ATXN1: variants seen among roughly 807,000 people sequenced by gnomAD.
ATXN1 encodes ataxin 1, also known as ataxin-1.
ATXN1 carries 8 observed loss-of-function variants against 56.4 expected under a neutral mutation model. The observed-to-expected ratio is 0.14, with a 90% CI of 0.08 to 0.26. ATXN1 has a LOEUF of 0.26. ATXN1 is among the 10% of genes least tolerant of loss of function. ATXN1 has a pLI of 1.00. For missense variants in ATXN1, 987 were observed against 1,106.5 expected, an observed-to-expected ratio of 0.89 and a Z score of 1.53; for synonymous variants, 514 against 494.6, an observed-to-expected ratio of 1.04 and a Z score of -0.52.
intron 2 of ATXN1, among the ~76,000 whole-genome samples, chr6:16,725,940 T>C (rs1022387371): frequency 2.6e-5 from 4 of 152,220 alleles, no homozygotes; most frequent in African/African-American, 9.7e-5. Flanking sequence ...GCAGCTGATA[T>C]TTCTCTGCCC....
chr6:16,730,483 G>GTATATA lies in ATXN1; in HGVS notation c.-615+22749_-615+22750insTATATA, dbSNP rs1283942311. Reference sequence around the variant, plus strand: ...CTTTCTGGAGTTAAAGGGTAAAACAGTATGTATATATATATATATATATAA... The same window carrying GTATATA: ...CTTTCTGGAGTTAAAGGGTAAAACAGTATATATATGTATATATATATATATATATAA... On this transcript the variant is annotated intron_variant, in intron 2 of 7. Coordinates refer to ENST00000436367, the MANE Select transcript of ATXN1 (RefSeq NM_001128164.2). Among the ~76,000 whole-genome samples, 197 of 74,528 alleles carry GTATATA rather than the reference G, an allele frequency of 2.6e-3. 1 individual carries two copies. The highest frequency in any genetic ancestry group is 0.011 in the East Asian group (30 of 2,630). 48.9% of individuals were successfully genotyped at this position (74,528 alleles called of 152,430 possible).
intron 6 of ATXN1, among the ~76,000 whole-genome samples, chr6:16,471,770 T>G (rs1336654220): frequency 6.6e-6 from 1 of 151,766 alleles, no homozygotes; most frequent in African/African-American, 2.4e-5. Context: ...TAAGAGAAGG[T>G]TGGAAGAGCA....
chr6:16,429,153 A>G lies in ATXN1; in HGVS notation c.-161+56819T>C, dbSNP rs1458432167. Among the ~76,000 whole-genome samples, 6 of 151,966 alleles carry G rather than the reference A, an allele frequency of 3.9e-5. No individual in the cohort carries two copies. The East Asian group carries it at 1.2e-3, about 29-fold the overall frequency. On this transcript the variant is annotated intron_variant, in intron 6 of 7. Coordinates refer to ENST00000436367, the MANE Select transcript of ATXN1 (RefSeq NM_001128164.2). ...AGGCAGAGAGGACACTGAAGAGAGG[A>G]GACATGAGGGCTGTGCGGTGGCCCT...
intron 6 of ATXN1, among the ~76,000 whole-genome samples, chr6:16,430,336 A>G (rs1179747114): frequency 6.2e-5 from 1 of 16,078 alleles, no homozygotes; most frequent in African/African-American, 6.5e-4. Context: ...GAAGGATAGG[A>G]AAAAAAAAAA....
chr6:16,527,313 G>C (rs1036438938), intron 4 of ATXN1, among the ~76,000 whole-genome samples: 1 of 152,044 alleles, frequency 6.6e-6, no homozygotes, highest in Non-Finnish European at 1.5e-5. Flanking sequence ...TGGAAATCGT[G>C]TCTCCAGCCA....
intron 6 of ATXN1, among the ~76,000 whole-genome samples, chr6:16,458,807 T>A (rs1247320986): frequency 2.0e-5 from 3 of 152,236 alleles, no homozygotes; most frequent in Admixed American, 6.5e-5. Context: ...GACGGGGTAC[T>A]GCCCCAGAGG....
chr6:16,354,237 C>G (rs1412514483), intron 6 of ATXN1, among the ~76,000 whole-genome samples: 1 of 151,916 alleles, frequency 6.6e-6, no homozygotes, highest in Non-Finnish European at 1.5e-5. Flanking sequence ...TAAAGCCAGA[C>G]CCCCTTCCTT....
At chr6:16,447,626 G>A (rs1333801839) in intron 6 of ATXN1, among the ~76,000 whole-genome samples, 1 of 152,094 alleles carries the variant, frequency 6.6e-6, no homozygotes, top group Non-Finnish European at 1.5e-5. Flanking sequence ...CAAAGTGCTG[G>A]GATTACAGGT....
rs144432516 is a variant in ATXN1 at position 16,500,515 on chromosome 6, C to T, written c.-298-14406G>A. On this transcript the variant is annotated intron_variant, in intron 5 of 7. Transcript: ENST00000436367. ...AGAGAATAGCAGGCACTACCTCTGT[C>T]GGTTACTATTTACCTTTCTTTCTCT... Among the ~76,000 whole-genome samples, 18 of 152,184 alleles carry T rather than the reference C, an allele frequency of 1.2e-4. No homozygotes were observed. The East Asian group carries it at 2.1e-3, about 18-fold the overall frequency.
intron 2 of ATXN1, among the ~76,000 whole-genome samples, chr6:16,689,976 T>C (rs1759011957): frequency 6.6e-6 from 1 of 152,128 alleles, no homozygotes; most frequent in Non-Finnish European, 1.5e-5. Flanking sequence ...CATTTGGAGT[T>C]TTTATCCATT....
At chr6:16,581,307 T>C (rs2113760653) in intron 4 of ATXN1, among the ~76,000 whole-genome samples, 2 of 151,544 alleles carry the variant, frequency 1.3e-5, no homozygotes, top group South Asian at 4.2e-4. Flanking sequence ...CAACTGGACA[T>C]GTTAAAGAAA....
At chr6:16,446,406 A>G (rs895579220) in intron 6 of ATXN1, among the ~76,000 whole-genome samples, 16 of 152,228 alleles carry the variant, frequency 1.1e-4, no homozygotes, top group Non-Finnish European at 1.8e-4. Flanking sequence ...GTGTTTCTCA[A>G]ATGTGGTTTC....
chr6:16,327,088 G>T lies in ATXN1; in HGVS notation c.1223C>A (p.Ser408Tyr). ...QQATHREASP[S>Y]TLNDKSGLHL... ...CAGGCCACTTTTGTCGTTGAGGGTAGAAGGGGAGGCTTCACGATGAGTGGC... is the reference window on the plus strand; with the variant it reads ...CAGGCCACTTTTGTCGTTGAGGGTATAAGGGGAGGCTTCACGATGAGTGGC... Residue 408 changes from serine to tyrosine, a missense_variant, in exon 7 of 8, where the codon TCT (serine) becomes TAT (tyrosine). This residue lies in a region of ATXN1 where 723 missense variants were observed against 791.7 expected (regional missense o/e 0.91). Coordinates refer to ENST00000436367, the MANE Select transcript of ATXN1 (RefSeq NM_001128164.2). 6.2e-7 allele frequency: 1 copy of T among 1,613,862 alleles called. No individual in the cohort carries two copies.
chr6:16,383,826 AG>A (rs1170231682), intron 6 of ATXN1, among the ~76,000 whole-genome samples: 1 of 152,226 alleles, frequency 6.6e-6, no homozygotes, highest in Non-Finnish European at 1.5e-5. Flanking sequence ...GTCATAGAAA[AG>A]GTCATGAATG....
intron 6 of ATXN1, among the ~76,000 whole-genome samples, chr6:16,471,602 T>G (rs985186054): frequency 6.6e-6 from 1 of 152,130 alleles, no homozygotes; most frequent in Non-Finnish European, 1.5e-5. Context: ...AAAGCAGCCA[T>G]GTGCCCTGGA....
chr6:16,330,459 G>A (rs1019085616), intron 6 of ATXN1, among the ~76,000 whole-genome samples: 9 of 140,662 alleles, frequency 6.4e-5, no homozygotes, highest in South Asian at 4.4e-4. Flanking sequence ...GCGTGATCTC[G>A]GCTTGCTGCA....
chr6:16,454,422 C>A (rs761151262), intron 6 of ATXN1, among the ~76,000 whole-genome samples: 1 of 152,100 alleles, frequency 6.6e-6, no homozygotes, highest in African/African-American at 2.4e-5. Context: ...ATGGTTAACC[C>A]CCCCTGCTAG....
At chr6:16,573,072 T>C (rs1453827668) in intron 4 of ATXN1, among the ~76,000 whole-genome samples, 1 of 152,192 alleles carries the variant, frequency 6.6e-6, no homozygotes, top group Non-Finnish European at 1.5e-5. Context: ...AATCTTTCCC[T>C]TCTTTTTATG....
chr6:16,592,925 C>T (rs1762749903), intron 3 of ATXN1, among the ~76,000 whole-genome samples: 1 of 152,058 alleles, frequency 6.6e-6, no homozygotes, highest in African/African-American at 2.4e-5. Flanking sequence ...CCGTCCATGT[C>T]CTGTTTCTGT....
Sources: gnomAD v4.1 joint callset for allele counts (sites outside exome capture counted in the v4.1 genomes callset) on GRCh38, gnomAD v4.1.1 for gene constraint, gnomAD v4.1.1 regional missense constraint, MANE v1.5 for transcripts, NCBI Gene and HGNC (gene_info 2026-07-23, HGNC 2026-07-21) for gene names.